CBX1: variants seen among roughly 807,000 people sequenced by gnomAD.
CBX1 encodes chromobox 1, also known as chromobox protein homolog 1.
Under a neutral mutation model 25.1 loss-of-function variants are expected in CBX1, and 10 were observed. The ratio of observed to expected loss-of-function variants is 0.40; its 90% CI spans 0.25 to 0.68. CBX1 has a LOEUF of 0.68. Among genes scored for constraint, CBX1 ranks in the 30% least tolerant of loss-of-function variants. The probability of loss-of-function intolerance (pLI) is 0.40; values close to 1 mark genes in which losing one functional copy is unlikely to be tolerated. For synonymous variants in CBX1, 63 were observed against 79.4 expected (o/e 0.79, Z 1.10); for missense variants, 106 against 218.5 (o/e 0.49, Z 3.25).
chr17:48,077,439 T>G (rs1232508491), intron 1 of CBX1, among the ~76,000 whole-genome samples: 12 of 97,974 alleles, frequency 1.2e-4, no homozygotes, highest in East Asian at 1.0e-3. Context: ...TGTTGTTTTT[T>G]TTTTTGTTTT....
At position 48,075,118 on chromosome 17, in the gene CBX1, G is replaced by C. The variant is rs749690535; in HGVS notation, c.319-18C>G. The C allele has an allele frequency of 4.5e-6, 7 of 1,564,474 alleles. No homozygotes were observed. The highest frequency in any genetic ancestry group is 6.2e-6 in the Non-Finnish European group (7 of 1,134,892). ...TTTTCTGACTGTAAAAACAAGATGG[G>C]TAGAACAATTTTATCTATATGGGAC... On this transcript the variant is annotated intron_variant, in intron 3 of 4. Coordinates refer to ENST00000225603, the MANE Select transcript of CBX1 (RefSeq NM_001127228.2).
chr17:48,073,175 GAAGCAGTAGCGTAAAGC>G (rs1567763022), intron 4 of CBX1, among the ~76,000 whole-genome samples: 3 of 151,910 alleles, frequency 2.0e-5, no homozygotes, highest in Admixed American at 6.6e-5. Flanking sequence ...GTCCTAGACA[GAAGCAGTAGCGTAAAGC>G]AAGCAGGAGA....
At chr17:48,082,105 G>A (rs1240266079) in intron 1 of CBX1, among the ~76,000 whole-genome samples, 1 of 152,048 alleles carries the variant, frequency 6.6e-6, no homozygotes, top group Non-Finnish European at 1.5e-5. Flanking sequence ...AATCAGCTGG[G>A]TGTGCTGGGA....
At chr17:48,074,402 G>A (rs914276021) in intron 4 of CBX1, among the ~76,000 whole-genome samples, 9 of 152,198 alleles carry the variant, frequency 5.9e-5, no homozygotes, top group Admixed American at 5.9e-4. Flanking sequence ...TACAGAGATT[G>A]TTGGGATAAC....
Position 48,075,501 on chromosome 17 carries a change from A to T in CBX1, c.319-401T>A, listed in dbSNP as rs528033289. ...AGCCACCGTGCCCGGCCCAATCACA[A>T]ACTCTTTTGCCAATATTTCACCAAT... On this transcript the variant is annotated intron_variant, in intron 3 of 4. Coordinates refer to ENST00000225603, the MANE Select transcript of CBX1 (RefSeq NM_001127228.2). Among the ~76,000 whole-genome samples the T allele has an allele frequency of 3.9e-5, 6 of 152,220 alleles. No homozygotes were observed. In the East Asian group the frequency reaches 1.2e-3, roughly 29 times the overall value.
intron 1 of CBX1, among the ~76,000 whole-genome samples, chr17:48,085,670 C>CAAAA (rs936647615): frequency 6.6e-6 from 1 of 152,044 alleles, no homozygotes; most frequent in African/African-American, 2.4e-5. Context: ...CCCCAGCAGT[C>CAAAA]TTTTGAGTCT....
chr17:48,098,558 C>T (rs529342728), intron 1 of CBX1, among the ~76,000 whole-genome samples: 1 of 152,236 alleles, frequency 6.6e-6, no homozygotes, highest in Admixed American at 6.5e-5. Flanking sequence ...AGTGCAATAG[C>T]GCGATCTCGG....
chr17:48,099,703 A>T (rs1245451165), intron 1 of CBX1, among the ~76,000 whole-genome samples: 1 of 152,164 alleles, frequency 6.6e-6, no homozygotes, highest in Non-Finnish European at 1.5e-5. Context: ...ACAATTGAGG[A>T]GGCTACTTTA....
chr17:48,087,439 TG>T (rs1185593364), intron 1 of CBX1, among the ~76,000 whole-genome samples: 1 of 151,704 alleles, frequency 6.6e-6, no homozygotes, highest in Non-Finnish European at 1.5e-5. Context: ...CTGGGCGTGG[TG>T]GTGTGCACCT....
intron 1 of CBX1, among the ~76,000 whole-genome samples, chr17:48,078,815 G>A (rs2037703082): frequency 1.3e-5 from 1 of 74,432 alleles, no homozygotes; most frequent in Non-Finnish European, 2.4e-5. Flanking sequence ...TTTTTGAGAC[G>A]GAGTCTCACT....
chr17:48,077,433 G>GTTTGTTTTTTTT (rs1567764327), intron 1 of CBX1, among the ~76,000 whole-genome samples: 2 of 128,840 alleles, frequency 1.6e-5, no homozygotes, highest in Admixed American at 7.9e-5. Context: ...AATTTTTGTT[G>GTTTGTTTTTTTT]TTTTTTTTTT....
intron 1 of CBX1, among the ~76,000 whole-genome samples, chr17:48,093,292 A>C (rs2063354872): frequency 6.6e-6 from 1 of 151,730 alleles, no homozygotes; most frequent in Non-Finnish European, 1.5e-5. Flanking sequence ...AAATTAAAAA[A>C]AAAAAAAAAA....
chr17:48,077,445 G>GTTTTTTTT lies in CBX1; in HGVS notation c.-37-412_-37-405dup, dbSNP rs796350669. ...GCTAATTTTTGTTGTTTTTTTTTTT[G>GTTTTTTTT]TTTTTTTTGTTTTTTTTTTTTTAGT... On this transcript the variant is annotated intron_variant, in intron 1 of 4. Transcript: ENST00000225603. Among the ~76,000 whole-genome samples, 38 of 52,418 alleles carry GTTTTTTTT rather than the reference G, an allele frequency of 7.2e-4. 4 individuals are homozygous for GTTTTTTTT. Among genetic ancestry groups the GTTTTTTTT allele is most frequent in the Admixed American group, 1.1e-3 (5 of 4,350 alleles). 34.4% of individuals were successfully genotyped at this position (52,418 alleles called of 152,430 possible).
At chr17:48,084,888 C>T (rs57993587) in intron 1 of CBX1, among the ~76,000 whole-genome samples, 2 of 149,920 alleles carry the variant, frequency 1.3e-5, no homozygotes, top group African/African-American at 2.5e-5. Flanking sequence ...CCAGCCTGGG[C>T]GACAGAGCGA....
chr17:48,077,301 G>C (rs2037683776), intron 1 of CBX1, among the ~76,000 whole-genome samples: 2 of 151,148 alleles, frequency 1.3e-5, no homozygotes, highest in African/African-American at 4.9e-5. Context: ...TGTTGCCCAG[G>C]CTGGAGTGCA....
intron 1 of CBX1, among the ~76,000 whole-genome samples, chr17:48,093,115 A>T (rs1049152528): frequency 6.7e-6 from 1 of 149,638 alleles, no homozygotes; most frequent in Non-Finnish European, 1.5e-5. Flanking sequence ...GAAAGAAACA[A>T]ATTAGTTGGG....
Position 48,096,248 on chromosome 17 carries a change from C to T in CBX1, c.-38+5020G>A, listed in dbSNP as rs79498818. 6.2e-3 allele frequency: 3,244 copies of T among 522,968 alleles called. 7 individuals are homozygous for T. Among genetic ancestry groups the T allele is most frequent in the Middle Eastern group, 8.8e-3 (9 of 1,020 alleles). The allele number at this position is 522,968 out of a possible 1,614,324, so 32.4% of individuals were successfully genotyped here. A position where few individuals can be genotyped will look rare whatever the true frequency, so the allele number is the denominator to read the frequency against. ...GATCAAAGGCTAGAATGCTGGTGTG[C>T]GAATACATTTTGAATTTTATCTGAG... On this transcript the variant is annotated intron_variant, in intron 1 of 4. Coordinates refer to ENST00000225603, the MANE Select transcript of CBX1 (RefSeq NM_001127228.2).
chr17:48,097,662 A>T (rs188969005), intron 1 of CBX1, among the ~76,000 whole-genome samples: 74 of 152,182 alleles, frequency 4.9e-4, no homozygotes, highest in Middle Eastern at 3.4e-3. Flanking sequence ...TTACGCACTC[A>T]AAGTGTCAAC....
At chr17:48,086,431 G>C (rs1347127460) in intron 1 of CBX1, among the ~76,000 whole-genome samples, 1 of 152,140 alleles carries the variant, frequency 6.6e-6, no homozygotes, top group Non-Finnish European at 1.5e-5. Context: ...GCTATGCTAG[G>C]AACTTCCACG....
Sources: allele counts gnomAD v4.1 joint callset (sites outside exome capture counted in the v4.1 genomes callset), GRCh38; gene constraint gnomAD v4.1.1; transcripts MANE v1.5; gene names NCBI Gene and HGNC (gene_info 2026-07-23, HGNC 2026-07-21).